The following VWF variants were observed in gnomAD, a reference collection of about 807,000 sequenced individuals.
VWF encodes the protein Factor VIII related antigen.
VWF carries 176 observed loss-of-function variants against 308.6 expected under a neutral mutation model. That is an observed-to-expected ratio of 0.57 (90% CI 0.50 to 0.65). The LOEUF is 0.65. Among genes scored for constraint, VWF ranks in the 30% least tolerant of loss-of-function variants. The probability of loss-of-function intolerance (pLI) is 0.00; values close to 1 mark genes in which losing one functional copy is unlikely to be tolerated. For missense variants in VWF, 3,146 were observed against 3,648.2 expected (o/e 0.86, Z 3.55); for synonymous variants, 1,385 against 1,443.4 (o/e 0.96, Z 0.92).
At chr12:5,966,941 G>A (rs1004110589) in intron 47 of VWF, among the ~76,000 whole-genome samples, 1 of 152,166 alleles carries the variant, frequency 6.6e-6, no homozygotes, top group African/African-American at 2.4e-5. Flanking sequence ...CCCAAACTAG[G>A]AACGAGGAGT....
At chr12:6,123,322 T>G in intron 1 of VWF, 126 bp from the exon 2 acceptor site, 1 of 1,147,374 alleles carries the variant, frequency 8.7e-7, no homozygotes, top group Non-Finnish European at 1.3e-6. Context: ...TTGATCCTCG[T>G]GACCCCCTTT....
chr12:6,060,497 C>T lies in VWF; in HGVS notation c.1534-2453G>A, dbSNP rs1395468642. ...CTGGTGTCAGTATTCTGAGGCTCCCCACCTCCTGCCCCAACTCAAACACCC... is the reference window on the plus strand; with the variant it reads ...CTGGTGTCAGTATTCTGAGGCTCCCTACCTCCTGCCCCAACTCAAACACCC... On this transcript the variant is annotated intron_variant, in intron 13 of 51. Coordinates refer to ENST00000261405, the MANE Select transcript of VWF (RefSeq NM_000552.5). This position sits in a 1 kb window ranked among gnomAD's most constrained non-coding sequence, Gnocchi z 5.1. Among the ~76,000 whole-genome samples, 4 of 152,130 alleles carry T rather than the reference C, an allele frequency of 2.6e-5. No individual in the cohort carries two copies. In the South Asian group the frequency reaches 8.3e-4, roughly 32 times the overall value.
chr12:6,055,013 C>A (rs1468868288), intron 15 of VWF, among the ~76,000 whole-genome samples: 2 of 152,150 alleles, frequency 1.3e-5, no homozygotes, highest in Non-Finnish European at 2.9e-5. Context: ...AGAGACAGAC[C>A]CCTCTTGTCC....
intron 42 of VWF, 106 bp downstream of exon 42, chr12:5,981,680 T>C: frequency 1.6e-6 from 2 of 1,237,776 alleles, no homozygotes; most frequent in Non-Finnish European, 2.3e-6. Flanking sequence ...AAATATTGGA[T>C]GGGTAGGTGG....
intron 34 of VWF, among the ~76,000 whole-genome samples, 176 bp from the exon 35 acceptor site, chr12:5,996,398 G>T (rs71582870): frequency 6.6e-6 from 1 of 152,186 alleles, no homozygotes; most frequent in Non-Finnish European, 1.5e-5. Flanking sequence ...GGAAACTGGG[G>T]CTCTGAGAGG....
chr12:5,985,544 G>A lies in VWF; in HGVS notation c.6901+19C>T. 6.2e-7 allele frequency: 1 copy of A among 1,611,296 alleles called. No individual in the cohort carries two copies. Among genetic ancestry groups the A allele is most frequent in the Non-Finnish European group, 8.5e-7 (1 of 1,178,218 alleles). On this transcript the variant is annotated intron_variant, in intron 39 of 51. Transcript: ENST00000261405. ...CCCTTGTTCCTCCATGAAGGCACCA[G>A]GGAGGGGAGGACTCTCACCTTTGGC... is the stretch of plus-strand genomic sequence containing the variant.
At chr12:5,953,868 T>C (rs1943220720) in intron 47 of VWF, 1 of 438,230 alleles carries the variant, frequency 2.3e-6, no homozygotes, top group Admixed American at 3.6e-5. Context: ...AATTCAATTG[T>C]TTACTGGACA....
intron 22 of VWF, among the ~76,000 whole-genome samples, chr12:6,027,873 CACA>C (rs564770720): frequency 0.24 from 36,885 of 150,640 alleles, 4,722 homozygotes; most frequent in African/African-American, 0.3. Context: ...CACACACACA[CACA>C]CACACACCCC....
At chr12:5,986,190 C>T (rs1943678419) in intron 38 of VWF, among the ~76,000 whole-genome samples, 2 of 152,170 alleles carry the variant, frequency 1.3e-5, no homozygotes, top group Admixed American at 6.5e-5. Context: ...GCAGCCTTCT[C>T]GAAGGTACAC....
intron 42 of VWF, among the ~76,000 whole-genome samples, chr12:5,977,141 T>C (rs1943542104): frequency 6.6e-6 from 1 of 152,156 alleles, no homozygotes; most frequent in Admixed American, 6.6e-5. Context: ...TGCAGGAAAA[T>C]GTTACCATCC....
chr12:6,060,801 G>A lies in VWF; in HGVS notation c.1533+2153C>T, dbSNP rs577200721. Reference sequence around the variant, plus strand: ...GACAAAGACCAAAGAAACCTGAGGGGAGGAAGGGCAGCTGCCCAGGATGAG... The same window carrying A: ...GACAAAGACCAAAGAAACCTGAGGGAAGGAAGGGCAGCTGCCCAGGATGAG... On this transcript the variant is annotated intron_variant, in intron 13 of 51. Coordinates refer to ENST00000261405, the MANE Select transcript of VWF (RefSeq NM_000552.5). The surrounding 1 kb of genome is among the most constrained non-coding windows in gnomAD (Gnocchi z 5.1). Among the ~76,000 whole-genome samples, 4 of 152,262 alleles carry A rather than the reference G, an allele frequency of 2.6e-5. No homozygotes were observed. The South Asian group carries it at 8.3e-4, about 32-fold the overall frequency.
chr12:6,054,478 G>A (rs7967155), intron 15 of VWF, among the ~76,000 whole-genome samples: 50,887 of 152,016 alleles, frequency 0.33, 9,775 homozygotes, highest in African/African-American at 0.52. Flanking sequence ...CTATCTCTAG[G>A]GCTGGCTTGG....
intron 47 of VWF, among the ~76,000 whole-genome samples, chr12:5,961,846 C>T (rs1348742771): frequency 6.6e-6 from 1 of 151,856 alleles, no homozygotes; most frequent in Non-Finnish European, 1.5e-5. Flanking sequence ...ATGTGTGTGT[C>T]CCTACAAAAT....
rs1591848574 is a variant in VWF, at chr12:5,994,144, C to G, written c.6316G>C (p.Asp2106His). 6.2e-7 allele frequency: 1 copy of G among 1,614,194 alleles called. No individual in the cohort carries two copies. ...CATTCCTGAACAAGTGTTTTCCAGT[C>G]TGTGGTGACTGTGCCATCCCTCAGC... ...FMLRDGTVTTDWKTLVQEWTV... is the reference protein window; with the variant it reads ...FMLRDGTVTTHWKTLVQEWTV... Residue 2106 changes from aspartate (D) to histidine (H), a missense_variant, in exon 37 of 52, where the codon GAC becomes CAC. Coordinates refer to ENST00000261405, the MANE Select transcript of VWF (RefSeq NM_000552.5).
At chr12:6,120,240 G>A (rs1309591270) in intron 3 of VWF, among the ~76,000 whole-genome samples, 1 of 152,110 alleles carries the variant, frequency 6.6e-6, no homozygotes, top group Non-Finnish European at 1.5e-5. Flanking sequence ...CTTGAGTGGG[G>A]CACTTCTGAG....
At chr12:5,961,275 C>T (rs1259930661) in intron 47 of VWF, among the ~76,000 whole-genome samples, 3 of 152,084 alleles carry the variant, frequency 2.0e-5, no homozygotes, top group African/African-American at 7.2e-5. Flanking sequence ...TCTGACTCAT[C>T]CCAAAACAAT....
chr12:6,121,396 G>C, intron 2 of VWF, 58 bp from the exon 3 acceptor site: 1 of 1,594,546 alleles, frequency 6.3e-7, no homozygotes, highest in South Asian at 1.1e-5. Context: ...GGGACCATCA[G>C]CTCAAACCTC....
At position 6,005,892 on chromosome 12, in the gene VWF, T is replaced by C. The variant is rs192242571; in HGVS notation, c.5842+5725A>G. On this transcript the variant is annotated intron_variant, in intron 34 of 51. Coordinates refer to ENST00000261405, the MANE Select transcript of VWF (RefSeq NM_000552.5). ...AGTCCATCATGTTGAAATAAAAGAA[T>C]GCTAGGCAGCAACATGAAAACATAT... Among the ~76,000 whole-genome samples the C allele has an allele frequency of 1.8e-3, 273 of 152,246 alleles. 2 individuals are homozygous for C. Among genetic ancestry groups the C allele is most frequent in the Non-Finnish European group, 4.1e-4 (28 of 67,990 alleles).
chr12:6,058,851 A>G lies in VWF; in HGVS notation c.1534-807T>C, dbSNP rs555301117. ...CATTCGGGAACAACCAGCAGAGTGG[A>G]GCCCGCCCTTCCCCCACACAGCTGG... On this transcript the variant is annotated intron_variant, in intron 13 of 51. Coordinates refer to ENST00000261405, the MANE Select transcript of VWF (RefSeq NM_000552.5). The surrounding 1 kb of genome is among the most constrained non-coding windows in gnomAD (Gnocchi z 4.9). 1.5e-4 allele frequency among the ~76,000 whole-genome samples: 23 copies of G among 152,318 alleles called. 1 individual carries two copies. In the South Asian group the frequency reaches 4.4e-3, roughly 29 times the overall value.
Sources: gnomAD v4.1 joint callset for allele counts (sites outside exome capture counted in the v4.1 genomes callset) on GRCh38, gnomAD v4.1.1 for gene constraint, Gnocchi (gnomAD v3.1) non-coding constraint, MANE v1.5 for transcripts, NCBI Gene and HGNC (gene_info 2026-07-23, HGNC 2026-07-21) for gene names.